CCSER1: variants seen among roughly 807,000 people sequenced by gnomAD.
CCSER1 encodes the protein coiled-coil serine rich protein 1.
In CCSER1, 41 loss-of-function variants were observed where a neutral mutation model predicts 82.0. The observed-to-expected ratio is 0.50, with a 90% CI of 0.39 to 0.65. CCSER1 has a LOEUF of 0.65. CCSER1 is among the 30% of genes least tolerant of loss of function. The pLI, the probability that CCSER1 is intolerant of heterozygous loss-of-function variation, is 0.00. For synonymous variants in CCSER1, 414 were observed against 383.9 expected (o/e 1.08, Z -0.92); for missense variants, 1,119 against 1,064.2 (o/e 1.05, Z -0.72).
At chr4:90,618,882 T>C (rs1363064718) in intron 5 of CCSER1, among the ~76,000 whole-genome samples, 1 of 151,798 alleles carries the variant, frequency 6.6e-6, no homozygotes, top group Non-Finnish European at 1.5e-5. Flanking sequence ...AAATGAATAA[T>C]GAATTATCTT....
chr4:91,319,094 G>A (rs866432923), intron 10 of CCSER1: 2 of 282,922 alleles, frequency 7.1e-6, no homozygotes, highest in South Asian at 3.0e-5. Context: ...TTAACAGATG[G>A]TAATTAAGAC....
At chr4:90,694,127 T>C (rs150584388) in intron 6 of CCSER1, among the ~76,000 whole-genome samples, 166 of 152,108 alleles carry the variant, frequency 1.1e-3, no homozygotes, top group African/African-American at 3.9e-3. Flanking sequence ...GCTATTGCAG[T>C]ATGTAAAGAA....
chr4:90,555,679 C>T (rs1778045575), intron 5 of CCSER1, among the ~76,000 whole-genome samples: 1 of 151,910 alleles, frequency 6.6e-6, no homozygotes, highest in Non-Finnish European at 1.5e-5. Context: ...TAAATAGTAA[C>T]TATTGTTTAA....
intron 8 of CCSER1, among the ~76,000 whole-genome samples, chr4:90,912,822 C>T (rs930761015): frequency 3.3e-5 from 5 of 152,108 alleles, no homozygotes; most frequent in African/African-American, 1.2e-4. Flanking sequence ...AACCATGTCA[C>T]GAGAACTACG....
intron 4 of CCSER1, among the ~76,000 whole-genome samples, chr4:90,411,742 A>G (rs964116226): frequency 6.6e-6 from 1 of 152,186 alleles, no homozygotes; most frequent in East Asian, 1.9e-4. Flanking sequence ...CACCACTCCT[A>G]TTCAACATAG....
chr4:90,347,935 A>T (rs1423829238), intron 3 of CCSER1, among the ~76,000 whole-genome samples: 4 of 152,332 alleles, frequency 2.6e-5, no homozygotes, highest in Middle Eastern at 3.4e-3. Context: ...TTATGCAGCC[A>T]TAAAAAAGAA....
chr4:91,235,797 A>G (rs1157866888), intron 10 of CCSER1, among the ~76,000 whole-genome samples: 1 of 152,172 alleles, frequency 6.6e-6, no homozygotes, highest in East Asian at 1.9e-4. Flanking sequence ...TAGAAAATAA[A>G]TATAATTATG....
intron 3 of CCSER1, among the ~76,000 whole-genome samples, chr4:90,363,041 T>C (rs1745648825): frequency 6.6e-6 from 1 of 152,166 alleles, no homozygotes; most frequent in Admixed American, 6.6e-5. Flanking sequence ...AGCTTATCAG[T>C]ATTAAGTCAT....
chr4:90,779,393 A>C (rs1331098328), intron 7 of CCSER1, among the ~76,000 whole-genome samples: 1 of 152,018 alleles, frequency 6.6e-6, no homozygotes, highest in Non-Finnish European at 1.5e-5. Context: ...ATTATCTTAC[A>C]TAACGCTCAT....
intron 9 of CCSER1, among the ~76,000 whole-genome samples, chr4:91,063,315 A>G (rs1282646867): frequency 2.0e-5 from 3 of 152,136 alleles, no homozygotes; most frequent in Non-Finnish European, 4.4e-5. Context: ...AACTTGACAC[A>G]TAGGATTAAA....
At chr4:91,545,259 T>A (rs1216876571) in intron 10 of CCSER1, among the ~76,000 whole-genome samples, 6 of 152,156 alleles carry the variant, frequency 3.9e-5, no homozygotes, top group African/African-American at 1.4e-4. Context: ...GGGAATTCCC[T>A]GACCCCTTGC....
At chr4:90,938,593 A>G in intron 9 of CCSER1, 1 of 286,238 alleles carries the variant, frequency 3.5e-6, no homozygotes. Context: ...AAAGTGTGTG[A>G]ACATTTAAAA....
At position 90,308,816 on chromosome 4, in the gene CCSER1, A is replaced by G. The variant is rs1392278031; in HGVS notation, c.532A>G (p.Arg178Gly). ...TCGTCGTTCTGTTAAGCAGTCAACA[A>G]GGAAGCTACTCCCTAAATCTTTTTC... ...QTRRSVKQST[R>G]KLLPKSFSSH... Residue 178 changes from arginine to glycine, a missense_variant, in exon 2 of 11, where the codon AGG becomes GGG. By Grantham distance (125) the Arg-to-Gly change is moderately radical (BLOSUM62 -2). Coordinates refer to ENST00000509176, the MANE Select transcript of CCSER1 (RefSeq NM_001145065.2). 2.0e-5 allele frequency: 32 copies of G among 1,613,830 alleles called. No homozygotes were observed. Among genetic ancestry groups the G allele is most frequent in the Non-Finnish European group, 2.5e-5 (29 of 1,179,834 alleles).
chr4:90,336,177 T>TCA (rs1415984676), intron 3 of CCSER1, among the ~76,000 whole-genome samples: 3 of 152,192 alleles, frequency 2.0e-5, no homozygotes, highest in Admixed American at 1.3e-4. Context: ...TGGCCTTGAC[T>TCA]GCAGAAATTT....
At chr4:90,227,623 G>T (rs1364278681) in intron 1 of CCSER1, among the ~76,000 whole-genome samples, 1 of 152,222 alleles carries the variant, frequency 6.6e-6, no homozygotes, top group Non-Finnish European at 1.5e-5. Context: ...GAGGAGCCAA[G>T]ATGGCCGAAT....
chr4:91,211,786 T>C (rs1341105976), intron 10 of CCSER1, among the ~76,000 whole-genome samples: 1 of 152,126 alleles, frequency 6.6e-6, no homozygotes. Context: ...TGATTAGCAC[T>C]GAGCTAAATA....
rs552589417 is a variant in CCSER1 at position 90,937,020 on chromosome 4, C to A, written c.2172+13573C>A. Reference sequence around the variant, plus strand: ...TGTAGCAGTGAACACCAAGCATACACAACCAGACAAGTTTTTTTGTCTTCA... The same window carrying A: ...TGTAGCAGTGAACACCAAGCATACAAAACCAGACAAGTTTTTTTGTCTTCA... On this transcript the variant is annotated intron_variant, in intron 9 of 10. Transcript: ENST00000509176. 8.7e-4 allele frequency among the ~76,000 whole-genome samples: 132 copies of A among 152,162 alleles called. 4 individuals are homozygous for A. The South Asian group carries it at 0.026, about 30-fold the overall frequency.
At chr4:91,093,290 C>T (rs556554043) in intron 10 of CCSER1, among the ~76,000 whole-genome samples, 1 of 152,168 alleles carries the variant, frequency 6.6e-6, no homozygotes, top group Non-Finnish European at 1.5e-5. Flanking sequence ...TGACTGGTCT[C>T]GAAGATCGAG....
chr4:90,154,052 G>C (rs1466277188), intron 1 of CCSER1, among the ~76,000 whole-genome samples: 1 of 152,138 alleles, frequency 6.6e-6, no homozygotes, highest in Admixed American at 6.5e-5. Context: ...CTTAATTTTT[G>C]TATAAGGTGT....
Sources: allele counts gnomAD v4.1 joint callset (sites outside exome capture counted in the v4.1 genomes callset), GRCh38; gene constraint gnomAD v4.1.1; transcripts MANE v1.5; gene names NCBI Gene and HGNC (gene_info 2026-07-23, HGNC 2026-07-21).